NCALD: variants seen among roughly 807,000 people sequenced by gnomAD.
NCALD encodes neurocalcin delta, also known as neurocalcin-delta.
A neutral mutation model predicts 18.6 loss-of-function variants in NCALD; 10 were observed. That is an observed-to-expected ratio of 0.54 (90% CI 0.33 to 0.91). The LOEUF (loss-of-function observed/expected upper bound fraction) is 0.91, where lower values mean the gene tolerates loss of function less well. Among genes scored for constraint, NCALD ranks in the 40% least tolerant of loss-of-function variants. NCALD has a pLI of 0.03. For synonymous variants in NCALD, 88 were observed against 87.4 expected (o/e 1.01, Z -0.04); for missense variants, 184 against 247.6 (o/e 0.74, Z 1.72).
At chr8:101,727,049 C>A (rs1474414181) in intron 1 of NCALD, among the ~76,000 whole-genome samples, 4 of 152,172 alleles carry the variant, frequency 2.6e-5, no homozygotes, top group Non-Finnish European at 5.9e-5. Flanking sequence ...GTCCTTCATG[C>A]CCAGTTCAAG....
At chr8:101,990,949 G>T (rs1163840724) in intron 2 of NCALD, among the ~76,000 whole-genome samples, 1 of 152,138 alleles carries the variant, frequency 6.6e-6, no homozygotes, top group Non-Finnish European at 1.5e-5. Flanking sequence ...GCCCACTGTG[G>T]CTAGGCCCTT....
At chr8:101,874,826 C>T (rs1245382432) in intron 4 of NCALD, among the ~76,000 whole-genome samples, 6 of 152,148 alleles carry the variant, frequency 3.9e-5, no homozygotes, top group African/African-American at 1.2e-4. Flanking sequence ...CTGTGCCCAG[C>T]GTCTTACCCA....
chr8:101,903,992 T>C (rs1368780784), intron 3 of NCALD, among the ~76,000 whole-genome samples: 3 of 152,170 alleles, frequency 2.0e-5, no homozygotes, highest in Non-Finnish European at 4.4e-5. Context: ...AAATGCCCAC[T>C]CCTGCGCTCC....
chr8:101,924,372 C>T (rs943381129), intron 2 of NCALD, among the ~76,000 whole-genome samples: 3 of 152,114 alleles, frequency 2.0e-5, no homozygotes, highest in African/African-American at 4.8e-5. Context: ...TTGAGCGGCA[C>T]AGTATATTCC....
intron 2 of NCALD, among the ~76,000 whole-genome samples, chr8:101,988,797 A>T (rs1459772605): frequency 6.7e-6 from 1 of 149,894 alleles, no homozygotes; most frequent in Non-Finnish European, 1.5e-5. Flanking sequence ...GGACATTTAG[A>T]CTCTATTTCC....
chr8:101,912,810 C>T (rs1265691898), intron 3 of NCALD, among the ~76,000 whole-genome samples: 3 of 152,184 alleles, frequency 2.0e-5, no homozygotes, highest in East Asian at 1.9e-4. Flanking sequence ...TTTCAGCAAA[C>T]GAAATATGGC....
chr8:101,890,039 T>C (rs1266144217), intron 3 of NCALD, among the ~76,000 whole-genome samples: 1 of 152,160 alleles, frequency 6.6e-6, no homozygotes, highest in Non-Finnish European at 1.5e-5. Flanking sequence ...TATGAAGAGC[T>C]TGCATTCATC....
chr8:101,832,369 T>A (rs568858368), intron 4 of NCALD, among the ~76,000 whole-genome samples: 1 of 152,312 alleles, frequency 6.6e-6, no homozygotes, highest in South Asian at 2.1e-4. Context: ...GACGGAGCAT[T>A]TGAACTTCTT....
chr8:101,728,771 A>G (rs147073033), intron 1 of NCALD, among the ~76,000 whole-genome samples: 2,481 of 152,242 alleles, frequency 0.016, 62 homozygotes, highest in African/African-American at 0.057. Flanking sequence ...AGTGAGTCAA[A>G]ATTGCACCAC....
At chr8:101,690,969 C>G (rs1814700715) in intron 3 of NCALD, 1 of 985,454 alleles carries the variant, frequency 1.0e-6, no homozygotes, top group South Asian at 4.7e-5. Context: ...CTGCATGATT[C>G]AGAGTTGGCT....
chr8:102,062,388 G>A (rs879782832), intron 1 of NCALD, among the ~76,000 whole-genome samples: 1 of 152,194 alleles, frequency 6.6e-6, no homozygotes, highest in African/African-American at 2.4e-5. Context: ...AAATAGTCAA[G>A]CAAAAATTAT....
chr8:101,748,025 T>C (rs1472829063), intron 1 of NCALD, among the ~76,000 whole-genome samples: 1 of 152,150 alleles, frequency 6.6e-6, no homozygotes, highest in Non-Finnish European at 1.5e-5. Flanking sequence ...GTGGGAAAAG[T>C]GATTATTATA....
At chr8:101,809,835 G>A (rs574628139) in intron 4 of NCALD, among the ~76,000 whole-genome samples, 9 of 152,230 alleles carry the variant, frequency 5.9e-5, no homozygotes, top group South Asian at 2.1e-4. Context: ...GTGAACCACC[G>A]CACTTGGCCT....
intron 2 of NCALD, among the ~76,000 whole-genome samples, chr8:101,983,132 C>T (rs935831047): frequency 1.3e-5 from 2 of 152,140 alleles, no homozygotes; most frequent in African/African-American, 4.8e-5. Flanking sequence ...TCAGAACTGT[C>T]CTCCCTTTTG....
chr8:102,039,641 C>T (rs1001872362), intron 1 of NCALD, among the ~76,000 whole-genome samples: 9 of 152,130 alleles, frequency 5.9e-5, no homozygotes, highest in African/African-American at 2.2e-4. Flanking sequence ...TCCTTGACCT[C>T]TCTGTGCCTC....
intron 1 of NCALD, among the ~76,000 whole-genome samples, chr8:101,741,005 A>C (rs1298715826): frequency 6.6e-6 from 1 of 152,256 alleles, no homozygotes; most frequent in African/African-American, 2.4e-5. Context: ...GTGTAAAAAA[A>C]TTGTATTCCC....
intron 1 of NCALD, among the ~76,000 whole-genome samples, chr8:101,771,807 A>G (rs1182618214): frequency 1.3e-5 from 2 of 152,230 alleles, no homozygotes; most frequent in Non-Finnish European, 2.9e-5. Context: ...CAACAAGTTC[A>G]GGTCAGTTGG....
At chr8:102,100,341 A>G (rs749546030) in intron 1 of NCALD, among the ~76,000 whole-genome samples, 1 of 152,238 alleles carries the variant, frequency 6.6e-6, no homozygotes, top group South Asian at 2.1e-4. Flanking sequence ...TCTTTTATTA[A>G]TGTGACATTA....
At chr8:101,721,485 C>T (rs758396075) in intron 1 of NCALD, 10 of 152,140 alleles carry the variant, frequency 6.6e-5, no homozygotes, top group South Asian at 2.1e-4. Flanking sequence ...GCCAGAAGCA[C>T]GGGGGCTTGG....
Sources: allele counts gnomAD v4.1 joint callset (sites outside exome capture counted in the v4.1 genomes callset), GRCh38; gene constraint gnomAD v4.1.1; transcripts MANE v1.5; gene names NCBI Gene and HGNC (gene_info 2026-07-23, HGNC 2026-07-21).